Variants in NFIA observed in about 807,000 individuals in gnomAD.
The protein encoded by NFIA is nuclear factor 1 A-type.
Under a neutral mutation model 62.8 loss-of-function variants are expected in NFIA, and 8 were observed. The ratio of observed to expected loss-of-function variants is 0.13; its 90% confidence interval spans 0.07 to 0.23. The LOEUF is 0.23. NFIA is among the 10% of genes least tolerant of loss of function. The pLI is 1.00. For synonymous variants in NFIA, 235 were observed against 238.1 expected (o/e 0.99, Z 0.12); for missense variants, 410 against 642.1 (o/e 0.64, Z 3.91).
chr1:61,367,273 A>G (rs1311135979), intron 6 of NFIA, among the ~76,000 whole-genome samples: 1 of 152,224 alleles, frequency 6.6e-6, no homozygotes, highest in Non-Finnish European at 1.5e-5. Context: ...CACAGGGGAA[A>G]CCCATTATCA....
intron 2 of NFIA, among the ~76,000 whole-genome samples, chr1:61,113,302 T>A (rs554197825): frequency 6.6e-6 from 1 of 151,886 alleles, no homozygotes; most frequent in East Asian, 1.9e-4. Context: ...AATGAGAATA[T>A]GTTTGGTGGG....
At chr1:61,284,131 C>T (rs145551250) in intron 3 of NFIA, among the ~76,000 whole-genome samples, 11 of 152,250 alleles carry the variant, frequency 7.2e-5, no homozygotes, top group African/African-American at 2.6e-4. Flanking sequence ...GAGTGACCAC[C>T]AAAATAGCAG....
intron 1 of NFIA, among the ~76,000 whole-genome samples, chr1:61,087,748 A>G (rs1238073502): frequency 6.6e-6 from 1 of 152,144 alleles, no homozygotes; most frequent in African/African-American, 2.4e-5. Context: ...GCTGTACTAC[A>G]AGTGGTGAGG....
intron 2 of NFIA, among the ~76,000 whole-genome samples, chr1:61,188,117 G>A (rs892870507): frequency 2.6e-5 from 4 of 151,902 alleles, no homozygotes; most frequent in African/African-American, 4.8e-5. Flanking sequence ...GTGCGATCTC[G>A]GCTCACTGCA....
At chr1:61,270,116 G>A (rs1570485468) in intron 2 of NFIA, among the ~76,000 whole-genome samples, 1 of 152,296 alleles carries the variant, frequency 6.6e-6, no homozygotes, top group African/African-American at 2.4e-5. Flanking sequence ...TGTCGGTTGG[G>A]GTTGATTTTC....
chr1:61,114,485 T>C (rs1162619476), intron 2 of NFIA, among the ~76,000 whole-genome samples: 1 of 152,190 alleles, frequency 6.6e-6, no homozygotes, highest in Non-Finnish European at 1.5e-5. Flanking sequence ...CAAGATCCTT[T>C]CTCAAAACAT....
chr1:61,129,112 C>T (rs1460022211), intron 2 of NFIA, among the ~76,000 whole-genome samples: 5 of 151,334 alleles, frequency 3.3e-5, no homozygotes, highest in African/African-American at 4.9e-5. Context: ...TTAGTAGAGA[C>T]GGGGTTTCAC....
rs1203082163 is a variant in NFIA, at chr1:61,093,993, G to A, written c.559+5313G>A. 2.0e-5 allele frequency among the ~76,000 whole-genome samples: 3 copies of A among 152,192 alleles called. No homozygotes were observed. The East Asian group carries it at 5.8e-4, about 29-fold the overall frequency. On this transcript the variant is annotated intron_variant, in intron 2 of 10. Coordinates refer to ENST00000403491, the MANE Select transcript of NFIA (RefSeq NM_001134673.4). ...CCAGAGGACACGGGACAGCCTGTCG[G>A]CATTTTAAATCTTGCACAGAAGCAG... is the stretch of plus-strand genomic sequence containing the variant.
intron 2 of NFIA, among the ~76,000 whole-genome samples, chr1:61,218,886 A>T (rs1449265836): frequency 1.3e-5 from 2 of 152,216 alleles, no homozygotes; most frequent in Admixed American, 1.3e-4. Flanking sequence ...GTAAAAAAGC[A>T]GCATTAACTT....
chr1:61,184,460 T>C (rs1006015403), intron 2 of NFIA, among the ~76,000 whole-genome samples: 1 of 152,258 alleles, frequency 6.6e-6, no homozygotes, highest in Non-Finnish European at 1.5e-5. Context: ...CTGGCATTTG[T>C]CCATAAAGTT....
chr1:61,182,912 A>G (rs890926430), intron 2 of NFIA, among the ~76,000 whole-genome samples: 2 of 152,260 alleles, frequency 1.3e-5, no homozygotes, highest in Non-Finnish European at 2.9e-5. Flanking sequence ...ATTGAAAACC[A>G]TGAAAAGGCT....
intron 3 of NFIA, among the ~76,000 whole-genome samples, chr1:61,322,737 A>G (rs989810595): frequency 6.6e-6 from 1 of 152,192 alleles, no homozygotes; most frequent in Non-Finnish European, 1.5e-5. Context: ...TCTCCTAGAA[A>G]GGTATTACAA....
At chr1:61,200,720 T>G (rs1470472061) in intron 2 of NFIA, among the ~76,000 whole-genome samples, 1 of 152,182 alleles carries the variant, frequency 6.6e-6, no homozygotes, top group African/African-American at 2.4e-5. Flanking sequence ...AACCACATAA[T>G]TAAATGTGTA....
intron 2 of NFIA, among the ~76,000 whole-genome samples, chr1:61,205,236 C>G (rs1040815264): frequency 3.9e-5 from 6 of 152,150 alleles, no homozygotes; most frequent in African/African-American, 1.4e-4. Context: ...ATTCCCAAGT[C>G]TGTACTCTTA....
At chr1:61,292,156 A>G (rs762815000) in intron 3 of NFIA, among the ~76,000 whole-genome samples, 2 of 152,174 alleles carry the variant, frequency 1.3e-5, no homozygotes, top group Non-Finnish European at 2.9e-5. Context: ...CGTTTTTCAA[A>G]GACGACTTAT....
intron 10 of NFIA, among the ~76,000 whole-genome samples, chr1:61,448,792 C>A (rs1420147802): frequency 6.6e-6 from 1 of 151,814 alleles, no homozygotes; most frequent in Non-Finnish European, 1.5e-5. Context: ...TAAAAGGTTA[C>A]GTGATGAAAA....
At chr1:61,395,137 T>C (rs1048925862) in intron 7 of NFIA, among the ~76,000 whole-genome samples, 1 of 152,120 alleles carries the variant, frequency 6.6e-6, no homozygotes, top group African/African-American at 2.4e-5. Flanking sequence ...AAGTAGCCTA[T>C]GCTTTAGTAA....
chr1:61,236,252 A>C (rs1474368637), intron 2 of NFIA, among the ~76,000 whole-genome samples: 1 of 152,138 alleles, frequency 6.6e-6, no homozygotes, highest in East Asian at 1.9e-4. Flanking sequence ...TAGAGCTGAC[A>C]AACCCAGTAG....
At chr1:61,175,354 C>T (rs774204492) in intron 2 of NFIA, among the ~76,000 whole-genome samples, 2 of 152,060 alleles carry the variant, frequency 1.3e-5, no homozygotes, top group African/African-American at 4.8e-5. Context: ...GTTGGCCAGG[C>T]TGAGCTCAAA....
Sources: gnomAD v4.1 joint callset for allele counts (sites outside exome capture counted in the v4.1 genomes callset) on GRCh38, gnomAD v4.1.1 for gene constraint, MANE v1.5 for transcripts, NCBI Gene and HGNC (gene_info 2026-07-23, HGNC 2026-07-21) for gene names.